The following TMEM117 variants were observed in gnomAD, a reference collection of about 807,000 sequenced individuals.
The protein encoded by TMEM117 is transmembrane protein 117.
TMEM117 carries 27 observed loss-of-function variants against 52.4 expected under a neutral mutation model. That is an observed-to-expected ratio of 0.51 (90% CI 0.38 to 0.71). TMEM117 has a LOEUF of 0.71. Among genes scored for constraint, TMEM117 ranks in the 30% least tolerant of loss-of-function variants. TMEM117 has a pLI of 0.00. For synonymous variants in TMEM117, 215 were observed against 206.3 expected (o/e 1.04, Z -0.36); for missense variants, 556 against 630.5 (o/e 0.88, Z 1.26).
chr12:44,143,728 C>T (rs184492982), intron 4 of TMEM117, 104 bp downstream of exon 4: 1 of 750,828 alleles, frequency 1.3e-6, no homozygotes, highest in Admixed American at 2.9e-5. Flanking sequence ...ATAATTACCT[C>T]TCTTTGAGTG....
At chr12:43,949,443 T>A (rs191540003) in intron 3 of TMEM117, among the ~76,000 whole-genome samples, 1 of 152,298 alleles carries the variant, frequency 6.6e-6, no homozygotes, top group African/African-American at 2.4e-5. Context: ...TTACTGAAGT[T>A]GTGTGCATAC....
chr12:44,320,743 T>G (rs1039902177), intron 6 of TMEM117, among the ~76,000 whole-genome samples: 2 of 152,250 alleles, frequency 1.3e-5, no homozygotes, highest in African/African-American at 4.8e-5. Context: ...AAATAAACTT[T>G]AGTGCTTCTT....
chr12:44,121,592 C>G (rs1419234231), intron 3 of TMEM117, among the ~76,000 whole-genome samples: 1 of 152,060 alleles, frequency 6.6e-6, no homozygotes, highest in African/African-American at 2.4e-5. Context: ...ATACATATAA[C>G]AGGTTAATTA....
chr12:44,131,795 A>G (rs1008552609), intron 3 of TMEM117, among the ~76,000 whole-genome samples: 4 of 152,130 alleles, frequency 2.6e-5, no homozygotes, highest in African/African-American at 9.7e-5. Context: ...TTTGCATGTT[A>G]TCTTTTCCCA....
chr12:43,877,371 C>T (rs367765712), intron 2 of TMEM117, among the ~76,000 whole-genome samples: 1 of 152,174 alleles, frequency 6.6e-6, no homozygotes, highest in Non-Finnish European at 1.5e-5. Context: ...CGGTGGCTCA[C>T]GTCTGTAATC....
chr12:44,319,190 T>C (rs1446909442), intron 6 of TMEM117, among the ~76,000 whole-genome samples: 2 of 152,208 alleles, frequency 1.3e-5, no homozygotes, highest in South Asian at 2.1e-4. Context: ...GCCATGCTGC[T>C]GGGTTGTCAA....
At chr12:44,098,927 C>T (rs961667522) in intron 3 of TMEM117, among the ~76,000 whole-genome samples, 5 of 152,138 alleles carry the variant, frequency 3.3e-5, no homozygotes, top group South Asian at 4.1e-4. Flanking sequence ...TCATGGCAGA[C>T]GTCTCTTGCC....
intron 6 of TMEM117, 37 bp from the exon 7 acceptor site, chr12:44,376,553 TGAAAC>T (rs1400178294): frequency 1.9e-6 from 3 of 1,581,118 alleles, no homozygotes; most frequent in Non-Finnish European, 2.6e-6. Flanking sequence ...TGCTTAGGAA[TGAAAC>T]GAATCACAAA....
intron 2 of TMEM117, among the ~76,000 whole-genome samples, chr12:43,929,202 G>A (rs1383798612): frequency 6.6e-6 from 1 of 152,114 alleles, no homozygotes; most frequent in Non-Finnish European, 1.5e-5. Context: ...CTAGTTTACA[G>A]TCCCACCAAC....
chr12:43,954,974 G>C (rs1482391046), intron 3 of TMEM117, among the ~76,000 whole-genome samples: 1 of 152,284 alleles, frequency 6.6e-6, no homozygotes, highest in East Asian at 1.9e-4. Flanking sequence ...TGCAAGGCTG[G>C]TTCAACATAC....
intron 1 of TMEM117, among the ~76,000 whole-genome samples, chr12:43,839,567 A>T (rs1252021797): frequency 6.6e-6 from 1 of 152,202 alleles, no homozygotes; most frequent in Non-Finnish European, 1.5e-5. Context: ...ATGTCACCTT[A>T]TAATGAGGTC....
Position 44,388,716 on chromosome 12 carries a change from T to A in TMEM117, c.*44T>A. The A allele has an allele frequency of 6.3e-7, 1 of 1,579,608 alleles. No homozygotes were observed. Among genetic ancestry groups the A allele is most frequent in the Non-Finnish European group, 8.6e-7 (1 of 1,165,248 alleles). ...AGATAACACAAAAAGCAACCTTGAG[T>A]GTAACTTTAAAAATTTAGTCTTTCC... On this transcript the variant is annotated 3_prime_UTR_variant, in exon 8 of 8. Transcript: ENST00000266534.
intron 3 of TMEM117, among the ~76,000 whole-genome samples, chr12:44,025,422 T>C (rs1056278809): frequency 2.6e-5 from 4 of 152,182 alleles, no homozygotes; most frequent in Non-Finnish European, 5.9e-5. Context: ...TTTAAACTTC[T>C]GTGGAATTTT....
At chr12:44,041,462 A>G (rs934316880) in intron 3 of TMEM117, among the ~76,000 whole-genome samples, 1 of 151,906 alleles carries the variant, frequency 6.6e-6, no homozygotes, top group Non-Finnish European at 1.5e-5. Flanking sequence ...TAATGTTTTC[A>G]TATATGTTTT....
rs1948600014 is a variant in TMEM117 at position 44,143,586 on chromosome 12, G to A, written c.472G>A (p.Val158Ile). 1 of 1,613,904 alleles carries A rather than the reference G, an allele frequency of 6.2e-7. No homozygotes were observed. The highest frequency in any genetic ancestry group is 1.7e-5 in the Admixed American group (1 of 59,994). ...TGAAAGTTTCATGAAATTAGCTGCA[G>A]TAGGGACCTGGATGGGGGACTTTGT... ...RNESFMKLAA[V>I]GTWMGDFVTA... The change falls in exon 4 of 8, where the codon GTA becomes ATA. Residue 158 changes from valine to isoleucine, a missense_variant. Val to Ile is a conservative substitution (Grantham distance 29). This residue lies in a region of TMEM117 where 328 missense variants were observed against 371.4 expected (regional missense o/e 0.88). Coordinates refer to ENST00000266534, the MANE Select transcript of TMEM117 (RefSeq NM_032256.3).
At chr12:43,993,782 C>A (rs928260551) in intron 3 of TMEM117, among the ~76,000 whole-genome samples, 7 of 152,144 alleles carry the variant, frequency 4.6e-5, no homozygotes, top group Admixed American at 1.3e-4. Flanking sequence ...GCAGCTTCAA[C>A]CTCCAGGGCT....
At chr12:44,210,980 T>C (rs1035372646) in intron 4 of TMEM117, among the ~76,000 whole-genome samples, 1 of 152,104 alleles carries the variant, frequency 6.6e-6, no homozygotes, top group Admixed American at 6.6e-5. Context: ...TAAAAGAATA[T>C]AGTATTTTAT....
chr12:43,983,235 G>A (rs1301270408), intron 3 of TMEM117, among the ~76,000 whole-genome samples: 1 of 152,116 alleles, frequency 6.6e-6, no homozygotes, highest in Non-Finnish European at 1.5e-5. Flanking sequence ...CATGGTGGCA[G>A]CCTTCTAAAA....
At chr12:44,210,292 ACT>A (rs1949628519) in intron 4 of TMEM117, among the ~76,000 whole-genome samples, 1 of 152,106 alleles carries the variant, frequency 6.6e-6, no homozygotes, top group Admixed American at 6.6e-5. Context: ...TTTATGTAAC[ACT>A]TTTTTAAAGG....
Sources: gnomAD v4.1 joint callset for allele counts (sites outside exome capture counted in the v4.1 genomes callset) on GRCh38, gnomAD v4.1.1 for gene constraint, gnomAD v4.1.1 regional missense constraint, MANE v1.5 for transcripts, NCBI Gene and HGNC (gene_info 2026-07-23, HGNC 2026-07-21) for gene names.